FER: variants seen among roughly 807,000 people sequenced by gnomAD.
FER encodes tyrosine-protein kinase Fer.
Under a neutral mutation model 111.0 loss-of-function variants are expected in FER, and 63 were observed. That is an observed-to-expected ratio of 0.57 (90% CI 0.46 to 0.70). The LOEUF is 0.70. Ranked by LOEUF, FER falls within the 30% of genes least tolerant of loss-of-function variation. The pLI is 0.00. For missense variants in FER, 914 were observed against 954.0 expected (o/e 0.96, Z 0.55); for synonymous variants, 327 against 313.9 (o/e 1.04, Z -0.44).
intron 11 of FER, among the ~76,000 whole-genome samples, chr5:108,951,640 A>G (rs1328810571): frequency 6.6e-6 from 1 of 152,198 alleles, no homozygotes; most frequent in Non-Finnish European, 1.5e-5. Flanking sequence ...AGAATTTAAA[A>G]AAGTTTGTGT....
At chr5:109,040,259 T>TA (rs1770971830) in intron 14 of FER, among the ~76,000 whole-genome samples, 1 of 152,048 alleles carries the variant, frequency 6.6e-6, no homozygotes, top group Non-Finnish European at 1.5e-5. Context: ...AGCTGGTACT[T>TA]ACCACAATTA....
chr5:108,951,094 C>T (rs940299760), intron 11 of FER, among the ~76,000 whole-genome samples: 1 of 151,882 alleles, frequency 6.6e-6, no homozygotes, highest in Non-Finnish European at 1.5e-5. Context: ...CATGGTGAAA[C>T]CCTGTCTCCA....
intron 13 of FER, among the ~76,000 whole-genome samples, chr5:109,024,020 G>A (rs910459596): frequency 6.6e-6 from 1 of 151,954 alleles, no homozygotes; most frequent in Non-Finnish European, 1.5e-5. Context: ...CTATATAGTA[G>A]CTTCTCTTTT....
intron 3 of FER, among the ~76,000 whole-genome samples, chr5:108,814,279 C>T (rs746449545): frequency 6.6e-6 from 1 of 152,096 alleles, no homozygotes; most frequent in Non-Finnish European, 1.5e-5. Context: ...GGTCCCAGTT[C>T]AGACCCCAAG....
intron 17 of FER, among the ~76,000 whole-genome samples, chr5:109,176,940 G>T (rs1757764867): frequency 2.0e-5 from 3 of 152,148 alleles, no homozygotes. Context: ...TTAAAGTCAG[G>T]TTTGTAAACA....
chr5:108,765,464 T>A (rs1222693370), intron 1 of FER, among the ~76,000 whole-genome samples: 1 of 152,174 alleles, frequency 6.6e-6, no homozygotes, highest in Admixed American at 6.5e-5. Context: ...CTCTTACCCA[T>A]GCTTGAGTAC....
chr5:108,754,522 A>G (rs879638971), intron 1 of FER, among the ~76,000 whole-genome samples: 1 of 152,016 alleles, frequency 6.6e-6, no homozygotes, highest in African/African-American at 2.4e-5. Flanking sequence ...CCTGAAGTGA[A>G]TGCCCCTTTA....
intron 17 of FER, among the ~76,000 whole-genome samples, chr5:109,173,978 C>G (rs567868051): frequency 6.6e-6 from 1 of 152,102 alleles, no homozygotes; most frequent in Non-Finnish European, 1.5e-5. Context: ...TTCAAAGAGG[C>G]GGGACTTCTG....
intron 13 of FER, among the ~76,000 whole-genome samples, chr5:108,995,752 A>C (rs1219505850): frequency 1.3e-5 from 2 of 152,160 alleles, no homozygotes; most frequent in Non-Finnish European, 2.9e-5. Context: ...TTTATAGTAG[A>C]ATGATTTATA....
intron 2 of FER, among the ~76,000 whole-genome samples, chr5:108,793,291 A>G (rs376223696): frequency 5.3e-5 from 8 of 152,114 alleles, no homozygotes; most frequent in Admixed American, 3.9e-4. Context: ...TTCACTTAAC[A>G]TAACGACCAC....
intron 8 of FER, among the ~76,000 whole-genome samples, chr5:108,878,133 C>T (rs1199395332): frequency 6.6e-6 from 1 of 152,060 alleles, no homozygotes; most frequent in African/African-American, 2.4e-5. Flanking sequence ...TCTCGAACTC[C>T]TGACCTCAAC....
intron 10 of FER, among the ~76,000 whole-genome samples, chr5:108,915,275 C>A (rs1313966728): frequency 4.6e-5 from 7 of 152,040 alleles, no homozygotes; most frequent in Non-Finnish European, 8.8e-5. Flanking sequence ...GAGTTTGAGA[C>A]CAGCCTGGCC....
intron 5 of FER, among the ~76,000 whole-genome samples, chr5:108,858,622 A>G (rs1763219165): frequency 6.6e-6 from 1 of 152,120 alleles, no homozygotes; most frequent in Admixed American, 6.5e-5. Flanking sequence ...AATACTGTTC[A>G]AAACCATATA....
At chr5:108,945,308 C>T (rs919813169) in intron 10 of FER, among the ~76,000 whole-genome samples, 4 of 152,072 alleles carry the variant, frequency 2.6e-5, no homozygotes, top group African/African-American at 9.7e-5. Flanking sequence ...CAAAACCACA[C>T]GTGCTTTGCT....
chr5:109,128,507 C>G (rs1582162073), intron 17 of FER, among the ~76,000 whole-genome samples: 4 of 152,150 alleles, frequency 2.6e-5, no homozygotes. Context: ...TGGGAGTTAC[C>G]TAATAAAAAT....
chr5:108,960,433 T>A (rs1758992839), intron 13 of FER, among the ~76,000 whole-genome samples: 1 of 152,118 alleles, frequency 6.6e-6, no homozygotes, highest in African/African-American at 2.4e-5. Context: ...TCTATAATTA[T>A]GAAATTGGCT....
intron 16 of FER, among the ~76,000 whole-genome samples, chr5:109,097,069 G>C (rs1341061347): frequency 2.0e-5 from 3 of 150,684 alleles, no homozygotes; most frequent in South Asian, 2.1e-4. Context: ...GCACATGCTT[G>C]ATACTTTAAA....
At chr5:108,907,157 GC>G (rs1750898877) in intron 10 of FER, among the ~76,000 whole-genome samples, 1 of 152,134 alleles carries the variant, frequency 6.6e-6, no homozygotes, top group Non-Finnish European at 1.5e-5. Flanking sequence ...TTAGGAAGGT[GC>G]TTAATGCACA....
At chr5:109,127,916 T>A (rs1751918755) in intron 17 of FER, among the ~76,000 whole-genome samples, 3 of 152,158 alleles carry the variant, frequency 2.0e-5, no homozygotes, top group African/African-American at 7.2e-5. Context: ...TAATTTATGT[T>A]CTTGCTAGTT....
Sources: allele counts gnomAD v4.1 joint callset (sites outside exome capture counted in the v4.1 genomes callset), GRCh38; gene constraint gnomAD v4.1.1; transcripts MANE v1.5; gene names NCBI Gene and HGNC (gene_info 2026-07-23, HGNC 2026-07-21).